The following GRIK2 variants were observed in gnomAD, a reference collection of about 807,000 sequenced individuals.
GRIK2 encodes glutamate receptor ionotropic, kainate 2.
A neutral mutation model predicts 100.3 loss-of-function variants in GRIK2; 32 were observed. That is an observed-to-expected ratio of 0.32 (90% CI 0.24 to 0.43). GRIK2 has a LOEUF of 0.43. Among genes scored for constraint, GRIK2 ranks in the 20% least tolerant of loss-of-function variants. The probability of loss-of-function intolerance (pLI) is 1.00; values close to 1 mark genes in which losing one functional copy is unlikely to be tolerated. For synonymous variants in GRIK2, 417 were observed against 389.4 expected, an observed-to-expected ratio of 1.07 and a Z score of -0.83; for missense variants, 843 against 1,114.9, an observed-to-expected ratio of 0.76 and a Z score of 3.47.
At chr6:101,454,791 T>C (rs1345393809) in intron 2 of GRIK2, among the ~76,000 whole-genome samples, 5 of 152,122 alleles carry the variant, frequency 3.3e-5, no homozygotes, top group African/African-American at 1.2e-4. Flanking sequence ...CTGCGAGGAT[T>C]ACATGAGCAT....
At chr6:101,952,890 T>G (rs1023036537) in intron 14 of GRIK2, among the ~76,000 whole-genome samples, 2 of 152,166 alleles carry the variant, frequency 1.3e-5, no homozygotes, top group African/African-American at 2.4e-5. Flanking sequence ...TTTTTAAAAC[T>G]TTTTCAACAT....
chr6:101,547,552 G>A (rs892158303), intron 2 of GRIK2, among the ~76,000 whole-genome samples: 1 of 152,100 alleles, frequency 6.6e-6, no homozygotes, highest in Admixed American at 6.5e-5. Context: ...TTCCACCTAT[G>A]AGTGAGAACA....
At chr6:101,829,510 A>T (rs1399610669) in intron 10 of GRIK2, among the ~76,000 whole-genome samples, 1 of 151,972 alleles carries the variant, frequency 6.6e-6, no homozygotes, top group Non-Finnish European at 1.5e-5. Flanking sequence ...AGATTCCTCC[A>T]AGGACTCATA....
chr6:101,492,709 T>C (rs1478831295), intron 2 of GRIK2, among the ~76,000 whole-genome samples: 1 of 151,924 alleles, frequency 6.6e-6, no homozygotes, highest in African/African-American at 2.4e-5. Flanking sequence ...GACAAATAAA[T>C]TTTATATAAC....
chr6:101,510,871 G>T (rs1278874195), intron 2 of GRIK2, among the ~76,000 whole-genome samples: 1 of 152,000 alleles, frequency 6.6e-6, no homozygotes, highest in East Asian at 1.9e-4. Flanking sequence ...CTAAAAAAAA[G>T]GATAGTGGAT....
intron 7 of GRIK2, among the ~76,000 whole-genome samples, chr6:101,789,095 T>C (rs1385041087): frequency 6.6e-6 from 1 of 152,192 alleles, no homozygotes; most frequent in African/African-American, 2.4e-5. Context: ...CATTGTAGAT[T>C]CTGGATATTA....
chr6:101,650,495 A>G (rs950223529), intron 4 of GRIK2, among the ~76,000 whole-genome samples: 1 of 152,122 alleles, frequency 6.6e-6, no homozygotes, highest in African/African-American at 2.4e-5. Flanking sequence ...ATCCATAATC[A>G]GCTGTGCCCA....
chr6:101,574,944 G>A (rs1485472166), intron 2 of GRIK2, among the ~76,000 whole-genome samples: 2 of 151,550 alleles, frequency 1.3e-5, no homozygotes, highest in African/African-American at 4.8e-5. Context: ...AAATTCTATT[G>A]AAATAAATAC....
At chr6:101,816,242 TAAA>T (rs60188503) in intron 9 of GRIK2, among the ~76,000 whole-genome samples, 3 of 149,118 alleles carry the variant, frequency 2.0e-5, no homozygotes, top group East Asian at 3.9e-4. Context: ...CAATTTATAT[TAAA>T]AAAAAAAGTA....
intron 2 of GRIK2, among the ~76,000 whole-genome samples, chr6:101,561,043 A>G (rs927531183): frequency 6.6e-6 from 1 of 152,220 alleles, no homozygotes; most frequent in Admixed American, 6.5e-5. Context: ...GGCCTAAGTA[A>G]TGAGACAAAA....
At chr6:102,029,728 C>T (rs954086138) in intron 14 of GRIK2, among the ~76,000 whole-genome samples, 1 of 151,166 alleles carries the variant, frequency 6.6e-6, no homozygotes, top group Non-Finnish European at 1.5e-5. Context: ...GTTTATTCTA[C>T]TCAGGACCCA....
At chr6:101,552,634 G>A (rs544815132) in intron 2 of GRIK2, among the ~76,000 whole-genome samples, 22 of 152,300 alleles carry the variant, frequency 1.4e-4, no homozygotes, top group African/African-American at 5.1e-4. Context: ...ATTTAGCTTT[G>A]TTGGTCTTTG....
intron 4 of GRIK2, among the ~76,000 whole-genome samples, chr6:101,638,211 A>C (rs1781115883): frequency 1.3e-5 from 2 of 150,216 alleles, no homozygotes; most frequent in South Asian, 4.3e-4. Context: ...TTACTCCACA[A>C]GTAATTATCA....
intron 4 of GRIK2, among the ~76,000 whole-genome samples, chr6:101,633,926 A>G (rs1211184116): frequency 2.6e-5 from 4 of 152,170 alleles, no homozygotes; most frequent in African/African-American, 9.6e-5. Flanking sequence ...CTAGGCAGTC[A>G]ACTTTAGAAT....
At chr6:101,655,718 T>C (rs1453555472) in intron 4 of GRIK2, among the ~76,000 whole-genome samples, 3 of 152,108 alleles carry the variant, frequency 2.0e-5, no homozygotes, top group Non-Finnish European at 2.9e-5. Flanking sequence ...TACCAACCAG[T>C]GGACATGACA....
At chr6:101,707,594 G>GTATATATATATATATATA (rs1193552049) in intron 7 of GRIK2, among the ~76,000 whole-genome samples, 18 of 106,112 alleles carry the variant, frequency 1.7e-4, no homozygotes, top group East Asian at 3.1e-4. Flanking sequence ...GTGTGTGTGT[G>GTATATATATATATATATA]TATATATGTG....
chr6:101,686,360 A>C lies in GRIK2; in HGVS notation c.951+7A>C. On this transcript the variant is annotated splice_region_variant and intron_variant, in intron 7 of 16. Transcript: ENST00000369134. ...GCTGGATGGATTTATGACGGTATGAATACCCACTTAAAGATCAGTTTGTGT... is the reference window on the plus strand; with the variant it reads ...GCTGGATGGATTTATGACGGTATGACTACCCACTTAAAGATCAGTTTGTGT... 6.2e-7 allele frequency: 1 copy of C among 1,606,554 alleles called. No homozygotes were observed. The highest frequency in any genetic ancestry group is 8.5e-7 in the Non-Finnish European group (1 of 1,173,392).
intron 14 of GRIK2, among the ~76,000 whole-genome samples, chr6:101,945,370 G>A (rs1368207653): frequency 6.6e-6 from 1 of 152,020 alleles, no homozygotes; most frequent in Non-Finnish European, 1.5e-5. Flanking sequence ...ATTCAAAATG[G>A]AGTCTTTATT....
chr6:101,945,896 A>T (rs546843512), intron 14 of GRIK2, among the ~76,000 whole-genome samples: 6 of 142,600 alleles, frequency 4.2e-5, no homozygotes, highest in Non-Finnish European at 7.6e-5. Flanking sequence ...TAGATAATAG[A>T]TTCTCTATCT....
Sources: gnomAD v4.1 joint callset for allele counts (sites outside exome capture counted in the v4.1 genomes callset) on GRCh38, gnomAD v4.1.1 for gene constraint, MANE v1.5 for transcripts, NCBI Gene and HGNC (gene_info 2026-07-23, HGNC 2026-07-21) for gene names.